Variants in PID1 observed in about 807,000 individuals in gnomAD.
The protein encoded by PID1 is PTB-containing, cubilin and LRP1-interacting protein.
Under a neutral mutation model 19.1 loss-of-function variants are expected in PID1, and 10 were observed. The ratio of observed to expected loss-of-function variants is 0.52; its 90% confidence interval spans 0.32 to 0.89. The LOEUF (loss-of-function observed/expected upper bound fraction) is 0.89, where lower values mean the gene tolerates loss of function less well. Ranked by LOEUF, PID1 falls within the 40% of genes least tolerant of loss-of-function variation. The probability of loss-of-function intolerance (pLI) is 0.03; values close to 1 mark genes in which losing one functional copy is unlikely to be tolerated. For synonymous variants in PID1, 130 were observed against 116.0 expected, an observed-to-expected ratio of 1.12 and a Z score of -0.78; for missense variants, 248 against 285.3, an observed-to-expected ratio of 0.87 and a Z score of 0.94.
At chr2:229,081,357 T>C (rs554957383) in intron 2 of PID1, among the ~76,000 whole-genome samples, 1 of 152,324 alleles carries the variant, frequency 6.6e-6, no homozygotes, top group East Asian at 1.9e-4. Flanking sequence ...GACATAATGA[T>C]AATGCAACAT....
chr2:229,070,131 A>G (rs887913497), intron 2 of PID1, among the ~76,000 whole-genome samples: 2 of 152,244 alleles, frequency 1.3e-5, no homozygotes, highest in South Asian at 4.1e-4. Context: ...AGCTTTGGAT[A>G]TGCACTGTAA....
intron 2 of PID1, among the ~76,000 whole-genome samples, chr2:229,050,825 G>A (rs6720154): frequency 0.52 from 79,250 of 151,682 alleles, 21,449 homozygotes; most frequent in East Asian, 0.67. Flanking sequence ...CATATGCCAA[G>A]CAAAAACAAA....
rs557056635 is a variant in PID1 at position 229,143,091 on chromosome 2, C to T, written c.177+12727G>A. Among the ~76,000 whole-genome samples, 223 of 147,302 alleles carry T rather than the reference C, an allele frequency of 1.5e-3. 1 individual carries two copies. Among genetic ancestry groups the T allele is most frequent in the African/African-American group, 5.2e-3 (207 of 39,450 alleles). ...AATCATCATTCTCAGTAAACTATCA[C>T]AAGAACAAAAAACCAAACACCGCAT... is the stretch of plus-strand genomic sequence containing the variant. On this transcript the variant is annotated intron_variant, in intron 2 of 2. Transcript: ENST00000392055.
intron 1 of PID1, among the ~76,000 whole-genome samples, chr2:229,212,700 G>A (rs1470095866): frequency 1.3e-5 from 2 of 152,176 alleles, no homozygotes; most frequent in East Asian, 3.9e-4. Context: ...GAGGTGCACA[G>A]ATACTCCCAT....
intron 1 of PID1, among the ~76,000 whole-genome samples, chr2:229,207,530 G>A (rs1048131524): frequency 6.7e-6 from 1 of 149,034 alleles, no homozygotes; most frequent in Non-Finnish European, 1.5e-5. Context: ...TCAATCTGAG[G>A]TAAAAGAGCC....
At chr2:229,210,077 C>G (rs1257657115) in intron 1 of PID1, among the ~76,000 whole-genome samples, 1 of 151,526 alleles carries the variant, frequency 6.6e-6, no homozygotes, top group African/African-American at 2.4e-5. Flanking sequence ...TGTTTATTAA[C>G]CTTTCTTTCT....
intron 2 of PID1, among the ~76,000 whole-genome samples, chr2:229,154,576 G>T (rs983179694): frequency 6.6e-6 from 1 of 152,172 alleles, no homozygotes; most frequent in African/African-American, 2.4e-5. Flanking sequence ...TGTGTGGAAT[G>T]AATGAATGTG....
In PID1 at chr2:229,066,299, G is replaced by A. The variant is rs1248899345; in HGVS notation, c.178-40191C>T. Among the ~76,000 whole-genome samples, 6 of 152,224 alleles carry A rather than the reference G, an allele frequency of 3.9e-5. No homozygotes were observed. The East Asian group carries it at 1.2e-3, about 30-fold the overall frequency. On this transcript the variant is annotated intron_variant, in intron 2 of 2. Transcript: ENST00000392055. ...CTTCAAAGACCTCACAGTCTAGTCA[G>A]GAAGACAGATGACAGGCAATTCAAT...
At chr2:229,035,525 T>TGC (rs1233843406) in intron 2 of PID1, among the ~76,000 whole-genome samples, 115 of 152,034 alleles carry the variant, frequency 7.6e-4, no homozygotes, top group African/African-American at 2.7e-3. Flanking sequence ...TGTGTGTGTG[T>TGC]GTGTGTGTGT....
chr2:229,055,213 G>A (rs1313746556), intron 2 of PID1, among the ~76,000 whole-genome samples: 1 of 152,158 alleles, frequency 6.6e-6, no homozygotes, highest in Non-Finnish European at 1.5e-5. Context: ...GAGATGTGAA[G>A]CAACTCAAGC....
intron 2 of PID1, among the ~76,000 whole-genome samples, chr2:229,087,848 T>C (rs969975119): frequency 6.6e-6 from 1 of 152,150 alleles, no homozygotes; most frequent in Admixed American, 6.6e-5. Context: ...AAAAGTCAAT[T>C]CCACCAATCA....
intron 2 of PID1, among the ~76,000 whole-genome samples, chr2:229,151,189 C>A (rs916290203): frequency 6.6e-6 from 1 of 151,976 alleles, no homozygotes; most frequent in Non-Finnish European, 1.5e-5. Flanking sequence ...AGAAAAGAAA[C>A]AACTTGCTCA....
intron 1 of PID1, among the ~76,000 whole-genome samples, chr2:229,180,504 T>C (rs1690917405): frequency 6.6e-6 from 1 of 152,148 alleles, no homozygotes; most frequent in South Asian, 2.1e-4. Flanking sequence ...AAGTCTGGAT[T>C]CACAGCATCA....
intron 2 of PID1, among the ~76,000 whole-genome samples, chr2:229,092,874 A>G (rs1173112981): frequency 1.3e-5 from 2 of 152,158 alleles, no homozygotes; most frequent in Non-Finnish European, 2.9e-5. Context: ...AATTCTGGGT[A>G]AGAGAAGTCT....
intron 1 of PID1, among the ~76,000 whole-genome samples, chr2:229,178,499 T>C (rs1574695019): frequency 6.6e-6 from 1 of 152,188 alleles, no homozygotes; most frequent in Admixed American, 6.5e-5. Context: ...AATTCTTTTG[T>C]TGGTGATTAT....
chr2:229,113,115 C>A (rs765752422), intron 2 of PID1, among the ~76,000 whole-genome samples: 5 of 152,038 alleles, frequency 3.3e-5, no homozygotes, highest in African/African-American at 7.2e-5. Context: ...ATTTAGTGCA[C>A]TTTGGGGAAA....
chr2:229,060,704 A>G (rs1694195103), intron 2 of PID1, among the ~76,000 whole-genome samples: 2 of 152,242 alleles, frequency 1.3e-5, no homozygotes, highest in African/African-American at 4.8e-5. Context: ...ACAGTTTTCC[A>G]TAATAGCTGT....
chr2:229,095,667 T>C lies in PID1; in HGVS notation c.177+60151A>G, dbSNP rs886858502. On this transcript the variant is annotated intron_variant, in intron 2 of 2. Coordinates refer to ENST00000392055, the MANE Select transcript of PID1 (RefSeq NM_001100818.2). ...AAGATACTCATTATAGACACTGGAA[T>C]CTGTCAGCATATTGCACACAGCATA... 5.3e-5 allele frequency among the ~76,000 whole-genome samples: 8 copies of C among 152,310 alleles called. No individual in the cohort carries two copies. The South Asian group carries it at 8.3e-4, about 16-fold the overall frequency.
intron 2 of PID1, among the ~76,000 whole-genome samples, chr2:229,083,350 G>C (rs1307706717): frequency 6.6e-6 from 1 of 152,174 alleles, no homozygotes; most frequent in African/African-American, 2.4e-5. Context: ...ACTTGGCCGT[G>C]CTACAATTCA....
Sources: allele counts gnomAD v4.1 joint callset (sites outside exome capture counted in the v4.1 genomes callset), GRCh38; gene constraint gnomAD v4.1.1; transcripts MANE v1.5; gene names NCBI Gene and HGNC (gene_info 2026-07-23, HGNC 2026-07-21).